The following ZCCHC2 variants were observed in gnomAD, a reference collection of about 807,000 sequenced individuals.
The protein encoded by ZCCHC2 is zinc finger CCHC domain-containing protein 2.
A neutral mutation model predicts 103.6 loss-of-function variants in ZCCHC2; 39 were observed. That is an observed-to-expected ratio of 0.38 (90% CI 0.29 to 0.49). ZCCHC2 has a LOEUF of 0.49. Ranked by LOEUF, ZCCHC2 falls within the 20% of genes least tolerant of loss-of-function variation. ZCCHC2 has a pLI of 0.96. For missense variants in ZCCHC2, 1,483 were observed against 1,491.0 expected (o/e 0.99, Z 0.09); for synonymous variants, 687 against 608.9 (o/e 1.13, Z -1.89).
intron 4 of ZCCHC2, among the ~76,000 whole-genome samples, chr18:62,547,142 T>C (rs991834052): frequency 2.6e-5 from 4 of 151,970 alleles, no homozygotes; most frequent in African/African-American, 9.7e-5. Context: ...CTGACCAACA[T>C]GGTGAAACCC....
chr18:62,556,299 T>C lies in ZCCHC2; in HGVS notation c.1408+2T>C. 6.3e-7 allele frequency: 1 copy of C among 1,588,386 alleles called. No individual in the cohort carries two copies. Among genetic ancestry groups the C allele is most frequent in the African/African-American group, 1.3e-5 (1 of 74,566 alleles). ...CATCAGACTCCCTACACAGTATCAG[T>C]AAGCATCCTCTGTCCCTCTGTGGAA... On this transcript the variant is annotated splice_donor_variant, in intron 6 of 13. Transcript: ENST00000269499. LOFTEE classifies it high-confidence loss of function.
At position 62,523,713 on chromosome 18, in the gene ZCCHC2, CG is replaced by C; in HGVS notation, c.292del (p.Val98TyrfsTer183). On this transcript the variant is annotated frameshift_variant, in exon 1 of 14. Coordinates refer to ENST00000269499, the MANE Select transcript of ZCCHC2 (RefSeq NM_017742.6). LOFTEE classifies it high-confidence loss of function. ...GPSAALREQE[R>X]VYEWFGLVLG... is the part of the protein sequence containing the mutation. ...CTCGGCGGCGCTGCGCGAGCAGGAGCGGGTATACGAGTGGTTCGGGCTGGTG... is the reference window on the plus strand; with the variant it reads ...CTCGGCGGCGCTGCGCGAGCAGGAGCGGTATACGAGTGGTTCGGGCTGGTG... The C allele has an allele frequency of 6.8e-7, 1 of 1,473,162 alleles. No individual in the cohort carries two copies. The highest frequency in any genetic ancestry group is 8.9e-7 in the Non-Finnish European group (1 of 1,119,678). 91.3% of individuals were successfully genotyped at this position (1,473,162 alleles called of 1,614,324 possible). A position where few individuals can be genotyped will look rare whatever the true frequency, so the allele number is the denominator to read the frequency against.
chr18:62,527,026 C>CCT (rs1555784497), intron 1 of ZCCHC2: 5 of 36,520 alleles, frequency 1.4e-4, no homozygotes, highest in African/African-American at 5.4e-4. Flanking sequence ...CCCCCCCCCC[C>CCT]CCCGAAAGTA....
chr18:62,549,167 C>A (rs559280603), intron 4 of ZCCHC2, among the ~76,000 whole-genome samples: 5 of 151,672 alleles, frequency 3.3e-5, no homozygotes, highest in Non-Finnish European at 7.4e-5. Context: ...TGCAGTGAGC[C>A]GAGATCGCGC....
intron 13 of ZCCHC2, 134 bp downstream of exon 13, chr18:62,575,684 C>A: frequency 1.8e-6 from 2 of 1,128,952 alleles, no homozygotes; most frequent in East Asian, 2.6e-5. Flanking sequence ...TTTTCAGTGA[C>A]AGATCATAAA....
Position 62,574,495 on chromosome 18 carries a change from C to T in ZCCHC2, c.2414C>T (p.Thr805Ile), listed in dbSNP as rs751873307. 5.0e-6 allele frequency: 8 copies of T among 1,613,896 alleles called. No individual in the cohort carries two copies. In the African/African-American group the frequency reaches 8.0e-5, roughly 16 times the overall value. Reference protein sequence around the residue: ...IPSTFLPHSSTPALHLTVQRL... With the variant: ...IPSTFLPHSSIPALHLTVQRL... Reference sequence around the variant, plus strand: ...TCAACCTTCCTTCCACACAGTAGTACTCCCGCTTTGCATCTTACAGTTCAG... The same window carrying T: ...TCAACCTTCCTTCCACACAGTAGTATTCCCGCTTTGCATCTTACAGTTCAG... The change falls in exon 13 of 14, where the codon ACT becomes ATT. Residue 805 changes from threonine (T) to isoleucine (I), a missense_variant. Physicochemically the swap from Thr to Ile is moderately conservative, Grantham distance 89. This residue lies in a region of ZCCHC2 where 884 missense variants were observed against 907.5 expected (regional missense o/e 0.97). Transcript: ENST00000269499.
In ZCCHC2 at chr18:62,524,299, G is replaced by C. The variant is rs111491614; in HGVS notation, c.875G>C (p.Arg292Pro). The C allele has an allele frequency of 1.3e-6, 2 of 1,548,792 alleles. No individual in the cohort carries two copies. Among genetic ancestry groups the C allele is most frequent in the Non-Finnish European group, 1.7e-6 (2 of 1,146,346 alleles). Residue 292 changes from arginine (R) to proline (P), a missense_variant, in exon 1 of 14, where the codon CGC becomes CCC. Physicochemically the swap from Arg to Pro is moderately radical, Grantham distance 103. Around this residue, in one of 3 missense-constraint regions of ZCCHC2, gnomAD observed 568 missense variants for 525.1 expected, o/e 1.08. Coordinates refer to ENST00000269499, the MANE Select transcript of ZCCHC2 (RefSeq NM_017742.6). ...EHLERLRAAL[R>P]GGPEDAEVEV... ...TTGGAGAGGCTCCGCGCCGCGCTCC[G>C]CGGGGGCCCCGAGGACGCGGAGGTG...
chr18:62,571,136 C>T (rs1305772163), intron 12 of ZCCHC2, among the ~76,000 whole-genome samples: 1 of 152,230 alleles, frequency 6.6e-6, no homozygotes, highest in African/African-American at 2.4e-5. Flanking sequence ...CATTTTTAAA[C>T]AGTTGCTTCT....
In ZCCHC2 at chr18:62,539,743, A is replaced by C; in HGVS notation, c.1002A>C (p.Pro334=). 1 of 1,608,464 alleles carries C rather than the reference A, an allele frequency of 6.2e-7. No homozygotes were observed. Among genetic ancestry groups the C allele is most frequent in the Non-Finnish European group, 8.5e-7 (1 of 1,177,420 alleles). Residue 334 remains proline, a synonymous_variant, in exon 2 of 14, where the codon CCA becomes CCC. Coordinates refer to ENST00000269499, the MANE Select transcript of ZCCHC2 (RefSeq NM_017742.6). The part of the protein sequence containing the change: ...NNESSLIEQA[P]IPQDGLTVAP... The stretch of plus-strand genomic sequence containing the variant: ...AGAGCAGCTTAATAGAGCAAGCTCC[A>C]ATACCTCAGGACGGACTTACCGTGG...
chr18:62,573,558 A>T (rs889008687), intron 12 of ZCCHC2, among the ~76,000 whole-genome samples: 2 of 151,910 alleles, frequency 1.3e-5, no homozygotes, highest in Non-Finnish European at 1.5e-5. Flanking sequence ...ATTCCATTCT[A>T]AAAAAAACAA....
In ZCCHC2 at chr18:62,542,558, G is replaced by T; in HGVS notation, c.1112G>T (p.Trp371Leu). The change falls in exon 3 of 14, where the codon TGG (tryptophan) becomes TTG (leucine). Residue 371 changes from tryptophan to leucine, a missense_variant. By Grantham distance (61) the Trp-to-Leu change is moderately conservative. Around this residue, in one of 3 missense-constraint regions of ZCCHC2, gnomAD observed 568 missense variants for 525.1 expected, o/e 1.08. Transcript: ENST00000269499. ...CAGAGAAAAAGAGCTGACAAATACT[G>T]GGAGTACACTTTCAAAGTAAGCCAT... The part of the protein sequence containing the change: ...GVQRKRADKY[W>L]EYTFKVNWSD... The T allele has an allele frequency of 6.4e-7, 1 of 1,563,024 alleles. No individual in the cohort carries two copies. Among genetic ancestry groups the T allele is most frequent in the East Asian group, 2.4e-5 (1 of 42,408 alleles).
Position 62,523,174 on chromosome 18 carries a change from C to A in ZCCHC2, c.-251C>A. The A allele has an allele frequency of 6.3e-6, 1 of 158,454 alleles. No individual in the cohort carries two copies. The highest frequency in any genetic ancestry group is 1.4e-5 in the Non-Finnish European group (1 of 73,792). 9.8% of individuals were successfully genotyped at this position (158,454 alleles called of 1,614,324 possible). ...CCCACCCGCACCCGGGCTCCCAGAA[C>A]CGGCGAGGAGCCCAGGGGGAGGAGC... On this transcript the variant is annotated 5_prime_UTR_variant, in exon 1 of 14. Coordinates refer to ENST00000269499, the MANE Select transcript of ZCCHC2 (RefSeq NM_017742.6).
chr18:62,563,879 T>C (rs1302218600), intron 9 of ZCCHC2, among the ~76,000 whole-genome samples: 2 of 152,188 alleles, frequency 1.3e-5, no homozygotes, highest in Non-Finnish European at 2.9e-5. Context: ...TTAGGGGATG[T>C]TTGCTTTCTT....
Position 62,576,573 on chromosome 18 carries a change from A to G in ZCCHC2, c.3531A>G (p.Ala1177=). The change falls in exon 14 of 14, where the codon GCA becomes GCG. Residue 1177 remains alanine (A), a synonymous_variant. Transcript: ENST00000269499. ...CTTCTAATGATACGTTGGATTCTGC[A>G]GACTGAAACGAGTAAAGCTTGCCTA... ...LPPSNDTLDS[A]D is the part of the protein sequence containing the mutation. 1 of 1,613,654 alleles carries G rather than the reference A, an allele frequency of 6.2e-7. No homozygotes were observed. The highest frequency in any genetic ancestry group is 2.2e-5 in the East Asian group (1 of 44,886).
chr18:62,534,293 CAGAG>C (rs1381704632), intron 1 of ZCCHC2, among the ~76,000 whole-genome samples: 1 of 141,454 alleles, frequency 7.1e-6, no homozygotes, highest in African/African-American at 2.8e-5. Context: ...GCCTGGGAGA[CAGAG>C]GGAGATCCTG....
intron 11 of ZCCHC2, among the ~76,000 whole-genome samples, chr18:62,569,142 A>C (rs571547463): frequency 2.0e-5 from 3 of 152,320 alleles, no homozygotes; most frequent in African/African-American, 7.2e-5. Context: ...TTTCTTCAAT[A>C]TTCACCTAAC....
chr18:62,584,809 A>G (rs1917130190), exon 15 of ZCCHC2: 1 of 152,176 alleles, frequency 6.6e-6, no homozygotes, highest in Non-Finnish European at 1.5e-5. Flanking sequence ...TTTCTAGGAG[A>G]GAAATTTTGG....
Position 62,575,441 on chromosome 18 carries a change from C to T in ZCCHC2, c.3360C>T (p.Thr1120=). 6.2e-7 allele frequency: 1 copy of T among 1,614,018 alleles called. No homozygotes were observed. The highest frequency in any genetic ancestry group is 8.5e-7 in the Non-Finnish European group (1 of 1,179,908). The change falls in exon 13 of 14, where the codon ACC becomes ACT. Residue 1120 remains threonine (T), a synonymous_variant. Transcript: ENST00000269499. ...VYPAPNVVAN[T]SGSGPKKNGN... ...CAGCACCTAACGTAGTTGCCAACAC[C>T]AGTGGTTCGGGGCCCAAGAAGAATG...
In ZCCHC2 at chr18:62,523,235, C is replaced by G. The variant is rs1167455012; in HGVS notation, c.-190C>G. ...ACGCCCCGCCCCCAGCCCGGGAAGA[C>G]GACGCCAGCGACCCCGCCGGCCGGC... On this transcript the variant is annotated 5_prime_UTR_variant, in exon 1 of 14. Transcript: ENST00000269499. The G allele has an allele frequency of 9.4e-6, 3 of 318,426 alleles. No homozygotes were observed. The highest frequency in any genetic ancestry group is 2.3e-5 in the African/African-American group (1 of 44,300). 19.7% of individuals were successfully genotyped at this position (318,426 alleles called of 1,614,324 possible). A position where few individuals can be genotyped will look rare whatever the true frequency, so the allele number is the denominator to read the frequency against.
Sources: gnomAD v4.1 joint callset for allele counts (sites outside exome capture counted in the v4.1 genomes callset) on GRCh38, gnomAD v4.1.1 for gene constraint, gnomAD v4.1.1 regional missense constraint, MANE v1.5 for transcripts, NCBI Gene and HGNC (gene_info 2026-07-23, HGNC 2026-07-21) for gene names.